Variants in NYNRIN observed in about 807,000 individuals in gnomAD.
NYNRIN encodes the protein protein NYNRIN.
NYNRIN carries 86 observed loss-of-function variants against 146.6 expected under a neutral mutation model. The ratio of observed to expected loss-of-function variants is 0.59; its 90% CI spans 0.49 to 0.70. NYNRIN has a LOEUF of 0.70. Among genes scored for constraint, NYNRIN ranks in the 30% least tolerant of loss-of-function variants. The pLI is 0.00. For missense variants in NYNRIN, 2,191 were observed against 2,377.7 expected (o/e 0.92, Z 1.63); for synonymous variants, 1,027 against 1,001.3 (o/e 1.03, Z -0.48).
rs1025956865 is a variant in NYNRIN, at chr14:24,418,141, A to G, written c.*695A>G. On this transcript the variant is annotated 3_prime_UTR_variant, in exon 9 of 9. Transcript: ENST00000382554. The stretch of plus-strand genomic sequence containing the variant: ...GTCAGCATGGGAAGGGCAAGGGGGA[A>G]ATGGGTTGGCCTACCTCATTTGACT... The G allele has an allele frequency of 7.6e-6, 3 of 395,540 alleles. No homozygotes were observed. The highest frequency in any genetic ancestry group is 6.3e-5 in the African/African-American group (3 of 47,798). 24.5% of individuals were successfully genotyped at this position (395,540 alleles called of 1,614,324 possible). A position where few individuals can be genotyped will look rare whatever the true frequency, so the allele number is the denominator to read the frequency against.
chr14:24,418,552 C>T lies in NYNRIN; in HGVS notation c.*1106C>T, dbSNP rs1481682885. 1.8e-5 allele frequency: 5 copies of T among 274,336 alleles called. No homozygotes were observed. The highest frequency in any genetic ancestry group is 3.6e-5 in the Non-Finnish European group (5 of 138,712). 17.0% of individuals were successfully genotyped at this position (274,336 alleles called of 1,614,324 possible). A position where few individuals can be genotyped will look rare whatever the true frequency, so the allele number is the denominator to read the frequency against. ...CACAGCCATTCTTTGCAGAGATCAC[C>T]CTTGCAGTGAGTGTGAGTTCCTTCC... is the stretch of plus-strand genomic sequence containing the variant. On this transcript the variant is annotated 3_prime_UTR_variant, in exon 9 of 9. Transcript: ENST00000382554.
At chr14:24,404,020 C>G (rs1189836009) in intron 2 of NYNRIN, among the ~76,000 whole-genome samples, 1 of 152,126 alleles carries the variant, frequency 6.6e-6, no homozygotes, top group Non-Finnish European at 1.5e-5. Flanking sequence ...CTGCAGTCTC[C>G]CAGTGAGGCC....
chr14:24,410,236 T>G, intron 4 of NYNRIN, 28 bp downstream of exon 4: 26 of 1,455,114 alleles, frequency 1.8e-5, no homozygotes, highest in Non-Finnish European at 2.4e-5. Context: ...TGGGGTGGGC[T>G]GGGGATGCTG....
chr14:24,415,853 C>T lies in NYNRIN; in HGVS notation c.4104C>T (p.Ser1368=), dbSNP rs1181688608. ...VACGLERFGQ[S]PLPVVFLTHC... ...GCGGCCTGGAGCGCTTTGGCCAGTC[C>T]CCACTCCCAGTGGTTTTCCTCACTC... Residue 1368 remains serine (S), a synonymous_variant, in exon 9 of 9, where the codon TCC becomes TCT. Transcript: ENST00000382554. 1 of 1,613,984 alleles carries T rather than the reference C, an allele frequency of 6.2e-7. No homozygotes were observed. Among genetic ancestry groups the T allele is most frequent in the Admixed American group, 1.7e-5 (1 of 60,032 alleles).
rs975595029 is a variant in NYNRIN, at chr14:24,408,803, C to T, written c.1009C>T (p.Pro337Ser). Residue 337 changes from proline to serine, a missense_variant, in exon 4 of 9, where the codon CCA becomes TCA. Coordinates refer to ENST00000382554, the MANE Select transcript of NYNRIN (RefSeq NM_025081.3). ...KIEDKLLFQP[P>S]VSALGVCPPW... ...AGAAGATAAACTCCTCTTCCAACCTCCAGTATCAGCCCTGGGTGTGTGCCC... is the reference window on the plus strand; with the variant it reads ...AGAAGATAAACTCCTCTTCCAACCTTCAGTATCAGCCCTGGGTGTGTGCCC... 7.4e-6 allele frequency: 12 copies of T among 1,613,926 alleles called. No homozygotes were observed. Among genetic ancestry groups the T allele is most frequent in the African/African-American group, 1.3e-5 (1 of 74,946 alleles).
Position 24,399,296 on chromosome 14 carries a change from A to G in NYNRIN, c.50A>G (p.Gln17Arg). The change falls in exon 2 of 9, where the codon CAG becomes CGG. Residue 17 changes from glutamine to arginine, a missense_variant. This residue lies in a region of NYNRIN where 895 missense variants were observed against 941.2 expected (regional missense o/e 0.95). Coordinates refer to ENST00000382554, the MANE Select transcript of NYNRIN (RefSeq NM_025081.3). ...DPPAQEWFMV[Q>R]TKSKPRVQRQ... ...CCGGCGCAGGAATGGTTCATGGTGC[A>G]GACAAAATCGAAGCCTCGGGTGCAG... is the stretch of plus-strand genomic sequence containing the variant. 1 of 1,613,976 alleles carries G rather than the reference A, an allele frequency of 6.2e-7. No homozygotes were observed. Among genetic ancestry groups the G allele is most frequent in the Non-Finnish European group, 8.5e-7 (1 of 1,179,876 alleles).
intron 8 of NYNRIN, 66 bp from the exon 9 acceptor site, chr14:24,414,530 T>C: frequency 6.7e-7 from 1 of 1,491,230 alleles, no homozygotes; most frequent in Non-Finnish European, 8.9e-7. Flanking sequence ...TCCACAGAGG[T>C]GCTTTCCCTT....
In NYNRIN at chr14:24,416,584, C is replaced by T; in HGVS notation, c.4835C>T (p.Ala1612Val). ...IESPWPLRST[A>V]PWSNLQIEVV... ...TCCCCATGGCCCCTCAGGTCGACCGCCCCCTGGTCGAACCTGCAGATCGAG... is the reference window on the plus strand; with the variant it reads ...TCCCCATGGCCCCTCAGGTCGACCGTCCCCTGGTCGAACCTGCAGATCGAG... Residue 1612 changes from alanine to valine, a missense_variant, in exon 9 of 9, where the codon GCC becomes GTC. Around this residue, in one of 3 missense-constraint regions of NYNRIN, gnomAD observed 1,291 missense variants for 1,417.0 expected, o/e 0.91. Transcript: ENST00000382554. 2 of 1,613,942 alleles carry T rather than the reference C, an allele frequency of 1.2e-6. No individual in the cohort carries two copies. The highest frequency in any genetic ancestry group is 1.7e-6 in the Non-Finnish European group (2 of 1,179,850).
In NYNRIN at chr14:24,417,941, A is replaced by G. The variant is rs1255047010; in HGVS notation, c.*495A>G. ...GGGACCCTTTGCCCTTAGAGCTGTC[A>G]CAGATGACATAAGCCTGGGCAGGCT... On this transcript the variant is annotated 3_prime_UTR_variant, in exon 9 of 9. Transcript: ENST00000382554. 1.3e-5 allele frequency: 3 copies of G among 223,424 alleles called. No individual in the cohort carries two copies. Among genetic ancestry groups the G allele is most frequent in the Non-Finnish European group, 2.7e-5 (3 of 110,928 alleles). The allele number at this position is 223,424 out of a possible 1,614,324, so 13.8% of individuals were successfully genotyped here.
chr14:24,400,778 T>G (rs978023153), intron 2 of NYNRIN, among the ~76,000 whole-genome samples: 10 of 151,672 alleles, frequency 6.6e-5, no homozygotes, highest in African/African-American at 2.2e-4. Flanking sequence ...ACTCACACTT[T>G]CTTTTTCTTT....
At chr14:24,408,569 C>T (rs1053190230) in intron 3 of NYNRIN, 42 bp downstream of exon 3, 5 of 1,538,992 alleles carry the variant, frequency 3.2e-6, no homozygotes, top group Non-Finnish European at 4.4e-6. Flanking sequence ...GATCCTACCC[C>T]TGCTCCCCTA....
In NYNRIN at chr14:24,400,555, C is replaced by T. The variant is rs114409242; in HGVS notation, c.198+1111C>T. Among the ~76,000 whole-genome samples the T allele has an allele frequency of 7.9e-3, 1,201 of 152,260 alleles. 16 individuals are homozygous for T. The highest frequency in any genetic ancestry group is 0.027 in the African/African-American group (1,137 of 41,550). On this transcript the variant is annotated intron_variant, in intron 2 of 8. Coordinates refer to ENST00000382554, the MANE Select transcript of NYNRIN (RefSeq NM_025081.3). ...CTGGGAAGTTCCTCCCTCAACCCCT[C>T]TGTGGAGCTGCTAGGTCAGCAGTTT...
chr14:24,399,864 T>G (rs1387313507), intron 2 of NYNRIN, among the ~76,000 whole-genome samples: 1 of 152,056 alleles, frequency 6.6e-6, no homozygotes, highest in Non-Finnish European at 1.5e-5. Context: ...AAGGCCCAGG[T>G]CCTTCTGTCT....
At position 24,409,577 on chromosome 14, in the gene NYNRIN, C is replaced by CCAA; in HGVS notation, c.1786_1788dup (p.Thr596dup). ...CGAAGTGCCTTTGGCTCCAACAAAG[C>CCAA]CAACAGCTCAACTGATGGCCACAGC... On this transcript the variant is annotated inframe_insertion, in exon 4 of 9. Coordinates refer to ENST00000382554, the MANE Select transcript of NYNRIN (RefSeq NM_025081.3). The CCAA allele has an allele frequency of 6.2e-7, 1 of 1,610,794 alleles. No homozygotes were observed. Among genetic ancestry groups the CCAA allele is most frequent in the Non-Finnish European group, 8.5e-7 (1 of 1,178,458 alleles).
chr14:24,416,376 G>A lies in NYNRIN; in HGVS notation c.4627G>A (p.Asp1543Asn). The change falls in exon 9 of 9, where the codon GAT becomes AAT. Residue 1543 changes from aspartate (D) to asparagine (N), a missense_variant. Physicochemically the swap from Asp to Asn is conservative, Grantham distance 23. Transcript: ENST00000382554. The stretch of plus-strand genomic sequence containing the variant: ...GGTAGTCCCGACGCAACTCCGGAGG[G>A]ATCTGATTTTCTCTGTGCATGACAT... ...VWVVPTQLRR[D>N]LIFSVHDIPL... The A allele has an allele frequency of 6.2e-7, 1 of 1,613,194 alleles. No individual in the cohort carries two copies.
At chr14:24,403,407 GAC>G (rs2042857069) in intron 2 of NYNRIN, among the ~76,000 whole-genome samples, 1 of 152,202 alleles carries the variant, frequency 6.6e-6, no homozygotes, top group Non-Finnish European at 1.5e-5. Flanking sequence ...TTTCCAGGCT[GAC>G]ACAGCTGTCG....
At chr14:24,399,207 C>T (rs780676726) in intron 1 of NYNRIN, 23 bp from the exon 2 acceptor site, 2 of 1,598,004 alleles carry the variant, frequency 1.3e-6, no homozygotes, top group South Asian at 2.2e-5. Context: ...ACCCGGGTGA[C>T]ACTATCGTCT....
Position 24,411,096 on chromosome 14 carries a change from TCTC to T in NYNRIN, c.2438_2440del (p.Ser813del). The T allele has an allele frequency of 6.2e-7, 1 of 1,613,704 alleles. No individual in the cohort carries two copies. The highest frequency in any genetic ancestry group is 8.5e-7 in the Non-Finnish European group (1 of 1,179,816). On this transcript the variant is annotated inframe_deletion, in exon 5 of 9. Transcript: ENST00000382554. The surrounding 1 kb of genome is among the most constrained non-coding windows in gnomAD (Gnocchi z 4.3). The stretch of plus-strand genomic sequence containing the variant: ...CACAGGCATGGCCTGCAGCACTTCT[TCTC>T]CTGCCGAGGAATTGCCATGGCAGTG...
chr14:24,416,810 G>A lies in NYNRIN; in HGVS notation c.5061G>A (p.Arg1687=). Residue 1687 remains arginine (R), a synonymous_variant, in exon 9 of 9, where the codon CGG becomes CGA. Transcript: ENST00000382554. ...CAGCCCAGGGGCCCCAGTTTGCCCG[G>A]CACGTCCTTGTGAGCTGTGGGCTGG... The part of the protein sequence containing the change: ...LEAAQGPQFA[R]HVLVSCGLAL... The A allele has an allele frequency of 6.2e-7, 1 of 1,612,080 alleles. No homozygotes were observed. The highest frequency in any genetic ancestry group is 8.5e-7 in the Non-Finnish European group (1 of 1,178,912).
Sources: gnomAD v4.1 joint callset for allele counts (sites outside exome capture counted in the v4.1 genomes callset) on GRCh38, gnomAD v4.1.1 for gene constraint, gnomAD v4.1.1 regional missense constraint, Gnocchi (gnomAD v3.1) non-coding constraint, MANE v1.5 for transcripts, NCBI Gene and HGNC (gene_info 2026-07-23, HGNC 2026-07-21) for gene names.